CTNNA2: variants seen among roughly 807,000 people sequenced by gnomAD.
CTNNA2 encodes the protein catenin alpha 2.
A neutral mutation model predicts 101.0 loss-of-function variants in CTNNA2; 42 were observed. That is an observed-to-expected ratio of 0.42 (90% CI 0.32 to 0.54). The LOEUF (loss-of-function observed/expected upper bound fraction) is 0.54, where lower values mean the gene tolerates loss of function less well. CTNNA2 is among the 20% of genes least tolerant of loss of function. The probability of loss-of-function intolerance (pLI) is 0.14; values close to 1 mark genes in which losing one functional copy is unlikely to be tolerated. For missense variants in CTNNA2, 871 were observed against 1,223.1 expected, an observed-to-expected ratio of 0.71 and a Z score of 4.29; for synonymous variants, 450 against 456.4, an observed-to-expected ratio of 0.99 and a Z score of 0.18.
chr2:79,298,965 T>A (rs1053760705), intron 2 of CTNNA2, among the ~76,000 whole-genome samples: 34 of 152,250 alleles, frequency 2.2e-4, no homozygotes, highest in Non-Finnish European at 4.4e-5. Context: ...CAGCTCCTAA[T>A]TCCATTCAGA....
chr2:80,015,680 A>G (rs1694095825), intron 7 of CTNNA2, among the ~76,000 whole-genome samples: 2 of 152,200 alleles, frequency 1.3e-5, no homozygotes, highest in Admixed American at 1.3e-4. Context: ...TATAAATCAG[A>G]TATGATAATC....
At chr2:80,444,130 G>A (rs1488605190) in intron 9 of CTNNA2, among the ~76,000 whole-genome samples, 2 of 152,120 alleles carry the variant, frequency 1.3e-5, no homozygotes, top group Admixed American at 6.5e-5. Flanking sequence ...GAAAATATTG[G>A]GATAGATCAA....
At chr2:79,819,338 T>A (rs977244718) in intron 3 of CTNNA2, among the ~76,000 whole-genome samples, 1 of 152,208 alleles carries the variant, frequency 6.6e-6, no homozygotes, top group Admixed American at 6.5e-5. Context: ...TTCCTGTGTG[T>A]ACTGCTGTTA....
chr2:80,335,808 A>G (rs1041347713), intron 7 of CTNNA2, among the ~76,000 whole-genome samples: 1 of 152,100 alleles, frequency 6.6e-6, no homozygotes, highest in Non-Finnish European at 1.5e-5. Context: ...TTTGATCCAT[A>G]TTTGTTTCTG....
intron 7 of CTNNA2, among the ~76,000 whole-genome samples, chr2:79,975,641 T>A (rs1427351245): frequency 2.6e-5 from 4 of 152,150 alleles, no homozygotes; most frequent in Admixed American, 2.6e-4. Flanking sequence ...TCCGATTAAT[T>A]TGCTAAAGTG....
chr2:79,659,256 G>A lies in CTNNA2; in HGVS notation c.102+7598G>A, dbSNP rs1270537040. Reference sequence around the variant, plus strand: ...TTGCTACACCATACACTTTCTTATAGAATTTACAAAATATAGCATTTTATG... The same window carrying A: ...TTGCTACACCATACACTTTCTTATAAAATTTACAAAATATAGCATTTTATG... On this transcript the variant is annotated intron_variant, in intron 2 of 18. Coordinates refer to ENST00000402739, the MANE Select transcript of CTNNA2 (RefSeq NM_001282597.3). Among the ~76,000 whole-genome samples the A allele has an allele frequency of 6.4e-5, 9 of 141,514 alleles. No homozygotes were observed. In the South Asian group the frequency reaches 1.9e-3, roughly 30 times the overall value. 92.8% of individuals were successfully genotyped at this position (141,514 alleles called of 152,430 possible).
At chr2:79,508,374 T>C (rs542973324), upstream of CTNNA2, among the ~76,000 whole-genome samples, 23 of 152,064 alleles carry the variant, frequency 1.5e-4, no homozygotes, top group Admixed American at 3.3e-4. Flanking sequence ...AGGGTGACAA[T>C]TGAGAGTAAA....
chr2:80,370,245 A>G (rs116009356), intron 7 of CTNNA2, among the ~76,000 whole-genome samples: 2,362 of 146,378 alleles, frequency 0.016, 26 homozygotes, highest in South Asian at 0.058. Context: ...ATATGAACAT[A>G]TTTGAGTGGT....
chr2:79,764,912 C>T (rs7592956), intron 3 of CTNNA2, among the ~76,000 whole-genome samples: 30,794 of 152,000 alleles, frequency 0.2, 3,169 homozygotes, highest in African/African-American at 0.24. Context: ...AAGATGTGGA[C>T]CAAAACTTGA....
intron 12 of CTNNA2, among the ~76,000 whole-genome samples, chr2:80,565,048 TTAAAG>T (rs1332545343): frequency 6.6e-6 from 1 of 152,152 alleles, no homozygotes; most frequent in East Asian, 1.9e-4. Flanking sequence ...AATTAAATAA[TTAAAG>T]TGGTGTAAAT....
intron 1 of CTNNA2, among the ~76,000 whole-genome samples, chr2:79,565,376 G>A (rs1419118640): frequency 1.3e-5 from 2 of 152,116 alleles, no homozygotes; most frequent in Non-Finnish European, 2.9e-5. Context: ...ACTGCAAATG[G>A]ACGAACTTCC....
At chr2:79,194,192 G>A (rs1367743126) in intron 1 of CTNNA2, among the ~76,000 whole-genome samples, 2 of 152,174 alleles carry the variant, frequency 1.3e-5, no homozygotes, top group Non-Finnish European at 2.9e-5. Flanking sequence ...TCTAAGCACA[G>A]CTGTAAGAAT....
At chr2:80,280,081 G>T (rs552335923) in intron 7 of CTNNA2, among the ~76,000 whole-genome samples, 1 of 151,816 alleles carries the variant, frequency 6.6e-6, no homozygotes, top group South Asian at 2.1e-4. Flanking sequence ...ATGACTTCAA[G>T]TAATATTTGT....
intron 7 of CTNNA2, among the ~76,000 whole-genome samples, chr2:80,115,402 G>C (rs1362804153): frequency 6.6e-6 from 1 of 152,198 alleles, no homozygotes; most frequent in African/African-American, 2.4e-5. Context: ...TTATCTACCT[G>C]ACACGTGAAG....
At chr2:79,587,275 G>C (rs1278223790) in intron 1 of CTNNA2, among the ~76,000 whole-genome samples, 1 of 151,968 alleles carries the variant, frequency 6.6e-6, no homozygotes. Flanking sequence ...TACCATATTT[G>C]AATTAATTTA....
intron 2 of CTNNA2, among the ~76,000 whole-genome samples, chr2:79,297,929 A>G (rs1676019995): frequency 6.6e-6 from 1 of 152,174 alleles, no homozygotes; most frequent in South Asian, 2.1e-4. Flanking sequence ...TTGATCTCCA[A>G]ATCTGTAAAA....
chr2:80,566,631 C>G (rs1047712580), intron 12 of CTNNA2, among the ~76,000 whole-genome samples: 1 of 152,028 alleles, frequency 6.6e-6, no homozygotes, highest in Non-Finnish European at 1.5e-5. Context: ...CAATATGAAG[C>G]CATACAGTAT....
Position 79,540,746 on chromosome 2 carries a change from T to C in CTNNA2, c.-6+27539T>C, listed in dbSNP as rs185229049. On this transcript the variant is annotated intron_variant, in intron 1 of 18. Coordinates refer to ENST00000402739, the MANE Select transcript of CTNNA2 (RefSeq NM_001282597.3). The stretch of plus-strand genomic sequence containing the variant: ...ATATTAATGAAGTCGCTTATACATT[T>C]AAAAAAGATCTTTGATTCCGTGACT... 1.1e-3 allele frequency among the ~76,000 whole-genome samples: 164 copies of C among 152,190 alleles called. 1 individual carries two copies. In the South Asian group the frequency reaches 0.012, roughly 11 times the overall value.
In CTNNA2 at chr2:80,262,342, T is replaced by C. The variant is rs1034112900; in HGVS notation, c.1057-130869T>C. Among the ~76,000 whole-genome samples the C allele has an allele frequency of 2.6e-5, 4 of 152,340 alleles. No homozygotes were observed. In the South Asian group the frequency reaches 8.3e-4, roughly 32 times the overall value. On this transcript the variant is annotated intron_variant, in intron 7 of 18. Coordinates refer to ENST00000402739, the MANE Select transcript of CTNNA2 (RefSeq NM_001282597.3). The stretch of plus-strand genomic sequence containing the variant: ...GAGTGTTCTGTTCTATAGATTATCC[T>C]CTAACCAGTACCCTATTGCTAGGAA...
Sources: gnomAD v4.1 joint callset for allele counts (sites outside exome capture counted in the v4.1 genomes callset) on GRCh38, gnomAD v4.1.1 for gene constraint, MANE v1.5 for transcripts, NCBI Gene and HGNC (gene_info 2026-07-23, HGNC 2026-07-21) for gene names.